Variants in PTPRD observed in about 807,000 individuals in gnomAD.
The protein encoded by PTPRD is protein tyrosine phosphatase receptor type D, also known as receptor-type tyrosine-protein phosphatase delta.
In PTPRD, 34 loss-of-function variants were observed where a neutral mutation model predicts 214.5. The ratio of observed to expected loss-of-function variants is 0.16; its 90% CI spans 0.12 to 0.21. The LOEUF is 0.21. PTPRD is among the 10% of genes least tolerant of loss of function. The pLI, the probability that PTPRD is intolerant of heterozygous loss-of-function variation, is 1.00. For missense variants in PTPRD, 2,545 were observed against 2,398.7 expected, an observed-to-expected ratio of 1.06 and a Z score of -1.27; for synonymous variants, 1,128 against 845.7, an observed-to-expected ratio of 1.33 and a Z score of -5.79.
At chr9:10,432,998 C>A (rs1339099119) in intron 2 of PTPRD, among the ~76,000 whole-genome samples, 1 of 151,878 alleles carries the variant, frequency 6.6e-6, no homozygotes, top group East Asian at 1.9e-4. Flanking sequence ...ATACGTAAGT[C>A]CCTGTTACTA....
intron 5 of PTPRD, among the ~76,000 whole-genome samples, chr9:9,929,202 C>G (rs1330839851): frequency 6.6e-6 from 1 of 152,072 alleles, no homozygotes. Context: ...GAGAAGAACA[C>G]AAGAAAGAAT....
rs1352455847 is a variant in PTPRD, at chr9:9,786,063, T to C, written c.-367-19212A>G. ...GAATATATTACTTCTCCATATTTCA[T>C]TATCAATAATACAAACCAATGGCCT... On this transcript the variant is annotated intron_variant, in intron 5 of 45. Coordinates refer to ENST00000381196, the MANE Select transcript of PTPRD (RefSeq NM_002839.4). 2.0e-5 allele frequency among the ~76,000 whole-genome samples: 3 copies of C among 152,208 alleles called. No individual in the cohort carries two copies. The East Asian group carries it at 5.8e-4, about 29-fold the overall frequency.
Position 9,216,334 on chromosome 9 carries a change from C to A in PTPRD, c.-202-32971G>T, listed in dbSNP as rs114558630. ...CCAAATCCTAGCCACTTACCTCTCT[C>A]TACCTCAGTTTTCTCCTCTATGATA... On this transcript the variant is annotated intron_variant, in intron 9 of 45. Transcript: ENST00000381196. 2.2e-3 allele frequency among the ~76,000 whole-genome samples: 338 copies of A among 152,326 alleles called. 1 individual carries two copies. Among genetic ancestry groups the A allele is most frequent in the African/African-American group, 7.6e-3 (317 of 41,572 alleles).
intron 2 of PTPRD, among the ~76,000 whole-genome samples, chr9:10,407,126 G>C (rs192552422): frequency 1.3e-5 from 2 of 151,652 alleles, no homozygotes; most frequent in Admixed American, 6.6e-5. Context: ...AAATATCTCT[G>C]ATACCGGGCA....
At position 8,375,956 on chromosome 9, in the gene PTPRD, A is replaced by G. The variant is rs1236690342; in HGVS notation, c.4641T>C (p.Gly1547=). The stretch of plus-strand genomic sequence containing the variant: ...CTTACCTGCAGTGCACAACCATCGG[A>G]CCAGCATCGGGAGGGTTACAGGTTT... ...RVKTCNPPDA[G]PMVVHCSAGV... Residue 1547 remains glycine (G), a synonymous_variant, in exon 39 of 46, where the codon GGT becomes GGC. Transcript: ENST00000381196. The G allele has an allele frequency of 1.2e-6, 2 of 1,612,598 alleles. No individual in the cohort carries two copies. Among genetic ancestry groups the G allele is most frequent in the Non-Finnish European group, 1.7e-6 (2 of 1,179,064 alleles).
chr9:10,256,409 A>G (rs1474998092), intron 3 of PTPRD, among the ~76,000 whole-genome samples: 2 of 130,520 alleles, frequency 1.5e-5, no homozygotes, highest in Non-Finnish European at 3.3e-5. Context: ...TTTTTTTTTT[A>G]ATAAGTAGGA....
At chr9:9,848,629 T>C (rs2059980746) in intron 5 of PTPRD, among the ~76,000 whole-genome samples, 1 of 152,150 alleles carries the variant, frequency 6.6e-6, no homozygotes. Flanking sequence ...GCCTTCAATC[T>C]ATATTTTCTA....
intron 11 of PTPRD, among the ~76,000 whole-genome samples, chr9:8,934,980 T>C (rs1167150429): frequency 6.6e-6 from 1 of 152,174 alleles, no homozygotes; most frequent in African/African-American, 2.4e-5. Flanking sequence ...TTCCACTGTG[T>C]GTATACATAT....
chr9:8,767,249 C>A (rs2094827229), intron 11 of PTPRD, among the ~76,000 whole-genome samples: 2 of 152,092 alleles, frequency 1.3e-5, no homozygotes, highest in South Asian at 4.1e-4. Flanking sequence ...TCCCGAGTAG[C>A]TGGGATTACA....
chr9:8,555,154 T>C (rs2083354288), intron 14 of PTPRD, among the ~76,000 whole-genome samples: 1 of 152,152 alleles, frequency 6.6e-6, no homozygotes, highest in Admixed American at 6.5e-5. Flanking sequence ...TGGTGGCTCA[T>C]GCCTGTAATC....
intron 4 of PTPRD, among the ~76,000 whole-genome samples, chr9:9,958,485 C>G (rs1406273870): frequency 6.6e-6 from 1 of 152,158 alleles, no homozygotes; most frequent in Non-Finnish European, 1.5e-5. Flanking sequence ...GAGCCAAGAT[C>G]ATGCCATTGC....
chr9:9,642,560 T>G (rs968204937), intron 7 of PTPRD, among the ~76,000 whole-genome samples: 11 of 152,258 alleles, frequency 7.2e-5, no homozygotes, highest in African/African-American at 2.2e-4. Flanking sequence ...TCTGTAACTG[T>G]TTGCAGATAT....
Position 8,829,739 on chromosome 9 carries a change from C to T in PTPRD, c.-103-95793G>A, listed in dbSNP as rs145704929. 3.3e-5 allele frequency among the ~76,000 whole-genome samples: 5 copies of T among 152,232 alleles called. No individual in the cohort carries two copies. The East Asian group carries it at 9.7e-4, about 29-fold the overall frequency. ...ATTTTGACAGCACAGAACAATGAAA[C>T]AACCATAGAATCAGCTGACTGGGGA... On this transcript the variant is annotated intron_variant, in intron 11 of 45. Coordinates refer to ENST00000381196, the MANE Select transcript of PTPRD (RefSeq NM_002839.4).
At chr9:10,297,301 C>T (rs2095708630) in intron 3 of PTPRD, among the ~76,000 whole-genome samples, 1 of 151,566 alleles carries the variant, frequency 6.6e-6, no homozygotes, top group Non-Finnish European at 1.5e-5. Flanking sequence ...GTATTTGAAT[C>T]ATATAAATAA....
At chr9:8,991,521 C>T (rs985189943) in intron 11 of PTPRD, among the ~76,000 whole-genome samples, 2 of 152,018 alleles carry the variant, frequency 1.3e-5, no homozygotes, top group East Asian at 3.9e-4. Context: ...TACCCTCAGT[C>T]CTGTATGAAG....
At position 8,350,123 on chromosome 9, in the gene PTPRD, C is replaced by A. The variant is rs539273400; in HGVS notation, c.4662-8145G>T. On this transcript the variant is annotated intron_variant, in intron 39 of 45. Transcript: ENST00000381196. Reference sequence around the variant, plus strand: ...ATTGAGTTAGTCCCACGAGTTGAAACGGGCTTAATGTCCCGTGATGTGATA... The same window carrying A: ...ATTGAGTTAGTCCCACGAGTTGAAAAGGGCTTAATGTCCCGTGATGTGATA... 1.1e-4 allele frequency among the ~76,000 whole-genome samples: 16 copies of A among 152,098 alleles called. No homozygotes were observed. The South Asian group carries it at 3.3e-3, about 32-fold the overall frequency.
chr9:10,042,537 T>G (rs1274234313), intron 3 of PTPRD, among the ~76,000 whole-genome samples: 1 of 151,860 alleles, frequency 6.6e-6, no homozygotes, highest in Admixed American at 6.6e-5. Flanking sequence ...GGATCCTTAT[T>G]AAGATGCAGT....
chr9:8,648,825 C>G (rs2096747944), intron 12 of PTPRD, among the ~76,000 whole-genome samples: 1 of 152,208 alleles, frequency 6.6e-6, no homozygotes, highest in Non-Finnish European at 1.5e-5. Flanking sequence ...AAAAGAACCT[C>G]TACCAATGCT....
intron 5 of PTPRD, among the ~76,000 whole-genome samples, chr9:9,901,534 A>AT (rs1158434820): frequency 2.6e-5 from 4 of 152,046 alleles, no homozygotes; most frequent in Non-Finnish European, 4.4e-5. Flanking sequence ...TTGCTGGGGA[A>AT]ATATATAACC....
Sources: allele counts gnomAD v4.1 joint callset (sites outside exome capture counted in the v4.1 genomes callset), GRCh38; gene constraint gnomAD v4.1.1; transcripts MANE v1.5; gene names NCBI Gene and HGNC (gene_info 2026-07-23, HGNC 2026-07-21).